SCAND3: variants seen among roughly 807,000 people sequenced by gnomAD.
The protein encoded by SCAND3 is SCAN domain containing 3, also known as SCAN domain-containing protein 3.
chr6:28,598,876 CAAAAA>C, the SCAND3 span, among the ~76,000 whole-genome samples: 48 of 74,318 alleles, frequency 6.5e-4, no homozygotes, highest in Non-Finnish European at 1.1e-3. Flanking sequence ...GACTATGTCT[CAAAAA>C]AAAAAAAAAA....
the SCAND3 span, among the ~76,000 whole-genome samples, chr6:28,574,478 C>T: frequency 6.6e-6 from 1 of 152,172 alleles, no homozygotes; most frequent in African/African-American, 2.4e-5. Context: ...TACTTCTTCA[C>T]TTGATTTGAG....
chr6:28,573,455 C>T, the SCAND3 span: 801 of 1,614,112 alleles, frequency 5.0e-4, 1 homozygote, highest in Middle Eastern at 3.8e-3. Flanking sequence ...ATATGAGAAA[C>T]GTTGAACACC....
chr6:28,597,066 C>G, the SCAND3 span, among the ~76,000 whole-genome samples: 1 of 152,110 alleles, frequency 6.6e-6, no homozygotes, highest in Non-Finnish European at 1.5e-5. Context: ...ATTTCTTGCC[C>G]TTAAGAAGGT....
the SCAND3 span, among the ~76,000 whole-genome samples, chr6:28,602,786 T>C: frequency 6.6e-6 from 1 of 152,156 alleles, no homozygotes; most frequent in Non-Finnish European, 1.5e-5. Flanking sequence ...GGAAATAAAG[T>C]ATTCAATAAA....
chr6:28,612,320 G>A, the SCAND3 span, among the ~76,000 whole-genome samples: 1 of 152,142 alleles, frequency 6.6e-6, no homozygotes. Context: ...TTACAGGCGT[G>A]AGCCACTGGG....
At chr6:28,605,336 T>C in the SCAND3 span, among the ~76,000 whole-genome samples, 1 of 152,194 alleles carries the variant, frequency 6.6e-6, no homozygotes, top group Non-Finnish European at 1.5e-5. Context: ...CTTAATCCTT[T>C]GTGAGACCAG....
the SCAND3 span, chr6:28,574,664 G>C: frequency 3.1e-6 from 5 of 1,613,478 alleles, no homozygotes; most frequent in Non-Finnish European, 4.2e-6. Flanking sequence ...ACTTTGTCTG[G>C]TGAAAATGGT....
the SCAND3 span, chr6:28,587,027 G>A: frequency 8.5e-6 from 3 of 353,168 alleles, no homozygotes; most frequent in Non-Finnish European, 1.5e-5. Context: ...AGAAAACCGA[G>A]GTTATGACGG....
the SCAND3 span, among the ~76,000 whole-genome samples, chr6:28,594,032 T>C: frequency 6.6e-6 from 1 of 152,178 alleles, no homozygotes; most frequent in South Asian, 2.1e-4. Context: ...ATCTTTCACC[T>C]TTTTGACAAA....
At chr6:28,586,391 C>CA in the SCAND3 span, 2 of 1,614,076 alleles carry the variant, frequency 1.2e-6, no homozygotes, top group Admixed American at 1.7e-5. This position sits in a 1 kb window ranked among gnomAD's most constrained non-coding sequence, Gnocchi z 4.4. Flanking sequence ...GCACCCAAGA[C>CA]TGGAGCTCCT....
the SCAND3 span, among the ~76,000 whole-genome samples, chr6:28,597,367 G>T: frequency 4.1e-4 from 63 of 152,290 alleles, 1 homozygote; most frequent in African/African-American, 1.4e-3. Flanking sequence ...GAACCCACGC[G>T]TGCAGAGCAC....
At chr6:28,589,403 C>T in the SCAND3 span, 1 of 152,026 alleles carries the variant, frequency 6.6e-6, no homozygotes, top group Non-Finnish European at 1.5e-5. Flanking sequence ...ATGGTTAGCA[C>T]TCTGGACTTT....
chr6:28,589,855 T>TG, the SCAND3 span: 1 of 123,792 alleles, frequency 8.1e-6, no homozygotes, highest in South Asian at 2.6e-4. Flanking sequence ...TTTTTTTGTT[T>TG]GTTTTTTTTT....
At chr6:28,576,113 T>C in the SCAND3 span, 1 of 1,576,896 alleles carries the variant, frequency 6.3e-7, no homozygotes, top group Non-Finnish European at 8.6e-7. Context: ...CTTTGAGACA[T>C]CATGGAAAAC....
the SCAND3 span, chr6:28,573,719 C>A: frequency 6.2e-7 from 1 of 1,609,090 alleles, no homozygotes; most frequent in Non-Finnish European, 8.5e-7. Flanking sequence ...TTGGTTTTCC[C>A]TTCTTCAGGA....
chr6:28,574,810 T>C, the SCAND3 span: 1 of 1,614,124 alleles, frequency 6.2e-7, no homozygotes, highest in African/African-American at 1.3e-5. Context: ...AGTCCCATGT[T>C]GAGAGGGCAC....
chr6:28,585,042 T>G, the SCAND3 span, among the ~76,000 whole-genome samples: 1 of 152,252 alleles, frequency 6.6e-6, no homozygotes, highest in African/African-American at 2.4e-5. Context: ...ATTTCCTTAT[T>G]CCTTGTTCCA....
At chr6:28,607,157 G>T in the SCAND3 span, among the ~76,000 whole-genome samples, 1 of 152,188 alleles carries the variant, frequency 6.6e-6, no homozygotes, top group Non-Finnish European at 1.5e-5. Flanking sequence ...TCTGTGGTTG[G>T]GGGTGTAGCT....
the SCAND3 span, among the ~76,000 whole-genome samples, chr6:28,595,441 G>A: frequency 6.6e-6 from 1 of 151,614 alleles, no homozygotes; most frequent in Non-Finnish European, 1.5e-5. Context: ...GAAAATTCTA[G>A]GCCAGGTGCA....
Sources: allele counts gnomAD v4.1 joint callset (sites outside exome capture counted in the v4.1 genomes callset), GRCh38; gene constraint gnomAD v4.1.1; non-coding constraint Gnocchi (gnomAD v3.1); transcripts MANE v1.5; gene names NCBI Gene and HGNC (gene_info 2026-07-23, HGNC 2026-07-21).